TFPT: variants seen among roughly 807,000 people sequenced by gnomAD.
TFPT encodes TCF3 fusion partner, also known as INO80 complex subunit F.
Under a neutral mutation model 28.8 loss-of-function variants are expected in TFPT, and 27 were observed. The ratio of observed to expected loss-of-function variants is 0.94; its 90% confidence interval spans 0.69 to 1.29. The LOEUF is 1.29. Among genes scored for constraint, TFPT ranks in the 50% most tolerant of loss-of-function variants. TFPT has a pLI of 0.00. For synonymous variants in TFPT, 152 were observed against 142.8 expected (o/e 1.06, Z -0.46); for missense variants, 330 against 338.0 (o/e 0.98, Z 0.19).
chr19:54,112,818 C>T (rs372275154), intron 2 of TFPT, among the ~76,000 whole-genome samples: 29 of 149,814 alleles, frequency 1.9e-4, no homozygotes, highest in African/African-American at 5.7e-4. Context: ...GAAGGCCAGG[C>T]GTGGTGGCTC....
In TFPT at chr19:54,115,010, C is replaced by T. The variant is rs1435823811; in HGVS notation, c.23+237G>A. ...CCCAGGGAGTCCAAGCCCCAACCCT[C>T]AACCAGACGCAAGAGTCCTGGCTTC... On this transcript the variant is annotated intron_variant, in intron 1 of 5. Coordinates refer to ENST00000391759, the MANE Select transcript of TFPT (RefSeq NM_013342.4). 21 of 693,076 alleles carry T rather than the reference C, an allele frequency of 3.0e-5. No homozygotes were observed. The East Asian group carries it at 5.5e-4, about 18-fold the overall frequency. 42.9% of individuals were successfully genotyped at this position (693,076 alleles called of 1,614,324 possible).
At chr19:54,110,426 A>G (rs1376348795) in intron 2 of TFPT, among the ~76,000 whole-genome samples, 1 of 152,054 alleles carries the variant, frequency 6.6e-6, no homozygotes, top group Non-Finnish European at 1.5e-5. Flanking sequence ...TGAACCTCCC[A>G]TTAAGTCGAA....
chr19:54,115,273 C>G lies in TFPT; in HGVS notation c.-4G>C. On this transcript the variant is annotated 5_prime_UTR_variant, in exon 1 of 6. Coordinates refer to ENST00000391759, the MANE Select transcript of TFPT (RefSeq NM_013342.4). ...CTTCTCTCTGCTCCAATTCCATCTC[C>G]GCGACCTCCGGAAGCCCCGGGCCTC... is the stretch of plus-strand genomic sequence containing the variant. 2 of 1,614,034 alleles carry G rather than the reference C, an allele frequency of 1.2e-6. No homozygotes were observed. Among genetic ancestry groups the G allele is most frequent in the Non-Finnish European group, 1.7e-6 (2 of 1,180,040 alleles).
intron 2 of TFPT, 77 bp from the exon 3 acceptor site, chr19:54,110,198 G>A (rs1308047142): frequency 1.4e-5 from 21 of 1,484,970 alleles, no homozygotes; most frequent in Middle Eastern, 1.7e-4. Context: ...AATGGGGCAC[G>A]CACTAAACTC....
chr19:54,112,956 G>C (rs1165253880), intron 2 of TFPT, among the ~76,000 whole-genome samples: 1 of 151,902 alleles, frequency 6.6e-6, no homozygotes, highest in Non-Finnish European at 1.5e-5. Flanking sequence ...AGCTGGGTGT[G>C]GTGGCGGGCG....
intron 2 of TFPT, among the ~76,000 whole-genome samples, chr19:54,111,978 CT>C (rs2073469215): frequency 6.6e-6 from 1 of 151,724 alleles, no homozygotes; most frequent in Admixed American, 6.6e-5. Context: ...GAAAATCCAT[CT>C]AAAAAAAAAG....
At chr19:54,107,954 C>A in intron 5 of TFPT, 72 bp downstream of exon 5, 7 of 1,452,864 alleles carry the variant, frequency 4.8e-6, no homozygotes, top group Non-Finnish European at 6.5e-6. Flanking sequence ...CCCCTTGAGT[C>A]CCCCCTCCTT....
intron 2 of TFPT, 98 bp downstream of exon 2, chr19:54,114,344 C>G (rs916738191): frequency 4.0e-6 from 6 of 1,510,526 alleles, no homozygotes; most frequent in Non-Finnish European, 5.3e-6. Flanking sequence ...AATATATCAG[C>G]AAGCCAAGAA....
In TFPT at chr19:54,108,014, C is replaced by CGCCT; in HGVS notation, c.642+8_642+11dup. On this transcript the variant is annotated intron_variant, in intron 5 of 5. Transcript: ENST00000391759. ...GCCCCAGTCCCTCCCCTTGAGTTCC[C>CGCCT]GCCTTCCTCACCTGCACCGGGGCCA... is the stretch of plus-strand genomic sequence containing the variant. The CGCCT allele has an allele frequency of 1.3e-6, 2 of 1,515,908 alleles. No individual in the cohort carries two copies. Among genetic ancestry groups the CGCCT allele is most frequent in the Non-Finnish European group, 1.8e-6 (2 of 1,133,190 alleles). The allele number at this position is 1,515,908 out of a possible 1,614,324, so 93.9% of individuals were successfully genotyped here.
At position 54,108,330 on chromosome 19, in the gene TFPT, A is replaced by T; in HGVS notation, c.419T>A (p.Leu140Gln). 6.2e-7 allele frequency: 1 copy of T among 1,604,344 alleles called. No homozygotes were observed. Among genetic ancestry groups the T allele is most frequent in the Non-Finnish European group, 8.5e-7 (1 of 1,175,022 alleles). The change falls in exon 4 of 6, where the codon CTG becomes CAG. Residue 140 changes from leucine (L) to glutamine (Q), a missense_variant. Transcript: ENST00000391759. Reference sequence around the variant, plus strand: ...TCCTGGAGGCCCAACACTCACCTCCAGCACAATGGTGAACTGGCTGGCCCG... The same window carrying T: ...TCCTGGAGGCCCAACACTCACCTCCTGCACAATGGTGAACTGGCTGGCCCG... ...DYRASQFTIV[L>Q]EDEGSQGTDA...
chr19:54,114,718 G>A lies in TFPT; in HGVS notation c.24-18C>T. 1 of 1,604,032 alleles carries A rather than the reference G, an allele frequency of 6.2e-7. No individual in the cohort carries two copies. The highest frequency in any genetic ancestry group is 2.2e-5 in the East Asian group (1 of 44,804). ...CCATGGTCCTGAGAGGCAGGGAAAGGCTCAGGGGCCCTGGATCCTGGACCC... is the reference window on the plus strand; with the variant it reads ...CCATGGTCCTGAGAGGCAGGGAAAGACTCAGGGGCCCTGGATCCTGGACCC... On this transcript the variant is annotated intron_variant, in intron 1 of 5. Coordinates refer to ENST00000391759, the MANE Select transcript of TFPT (RefSeq NM_013342.4).
At position 54,108,092 on chromosome 19, in the gene TFPT, C is replaced by T; in HGVS notation, c.576G>A (p.Arg192=). The T allele has an allele frequency of 6.4e-7, 1 of 1,565,230 alleles. No individual in the cohort carries two copies. The highest frequency in any genetic ancestry group is 8.7e-7 in the Non-Finnish European group (1 of 1,155,644). The change falls in exon 5 of 6, where the codon AGG becomes AGA. Residue 192 remains arginine (R), a synonymous_variant. Coordinates refer to ENST00000391759, the MANE Select transcript of TFPT (RefSeq NM_013342.4). The part of the protein sequence containing the change: ...APGEGPSGRK[R]RRVPRDGRRA... The stretch of plus-strand genomic sequence containing the variant: ...GGCGTCCATCCCGTGGCACTCGCCG[C>T]CTCTTCCGCCCACTGGGCCCCTCAC...
chr19:54,114,204 C>G (rs1161888239), intron 2 of TFPT, among the ~76,000 whole-genome samples: 2 of 152,176 alleles, frequency 1.3e-5, no homozygotes, highest in Non-Finnish European at 2.9e-5. Context: ...TTGAGAGGCC[C>G]CCGGGAGACA....
intron 5 of TFPT, chr19:54,107,672 C>T (rs1231907243): frequency 3.0e-6 from 1 of 332,334 alleles, no homozygotes; most frequent in Non-Finnish European, 5.5e-6. Context: ...TTCCCTTCCA[C>T]TCCGTCTTCT....
Position 54,114,596 on chromosome 19 carries a change from G to T in TFPT, c.128C>A (p.Thr43Lys). ...ACCACCTGACACAAACTCCACTTCC[G>T]TCTCCAGCTCGCTCTCCAGGATGTG... is the stretch of plus-strand genomic sequence containing the variant. ...GGHILESELETEVEFVSGGLG... is the reference protein window; with the variant it reads ...GGHILESELEKEVEFVSGGLG... The change falls in exon 2 of 6, where the codon ACG (threonine) becomes AAG (lysine). Residue 43 changes from threonine (T) to lysine (K), a missense_variant. Coordinates refer to ENST00000391759, the MANE Select transcript of TFPT (RefSeq NM_013342.4). The T allele has an allele frequency of 1.2e-6, 2 of 1,614,040 alleles. No homozygotes were observed. Among genetic ancestry groups the T allele is most frequent in the Non-Finnish European group, 1.7e-6 (2 of 1,180,006 alleles).
At chr19:54,107,309 T>A in intron 5 of TFPT, 140 bp from the exon 6 acceptor site, 1 of 1,166,072 alleles carries the variant, frequency 8.6e-7, no homozygotes, top group Non-Finnish European at 1.2e-6. Flanking sequence ...AGTGCAGTGG[T>A]GCCATCATAG....
chr19:54,113,093 C>CAAAAA (rs139440012), intron 2 of TFPT, among the ~76,000 whole-genome samples: 1 of 58,560 alleles, frequency 1.7e-5, no homozygotes, highest in Non-Finnish European at 2.9e-5. Flanking sequence ...GACTCCACCT[C>CAAAAA]AAAAAAAAAA....
chr19:54,111,309 G>C (rs1487592354), intron 2 of TFPT, among the ~76,000 whole-genome samples: 1 of 151,296 alleles, frequency 6.6e-6, no homozygotes, highest in Non-Finnish European at 1.5e-5. Context: ...TTGGGAGGCC[G>C]GGGCGGGCAG....
At chr19:54,108,590 A>G in intron 3 of TFPT, 195 bp from the exon 4 acceptor site, 1 of 1,563,438 alleles carries the variant, frequency 6.4e-7, no homozygotes, top group South Asian at 1.2e-5. Context: ...AGACAAGGCA[A>G]CCATTCTGAG....
Sources: allele counts gnomAD v4.1 joint callset (sites outside exome capture counted in the v4.1 genomes callset), GRCh38; gene constraint gnomAD v4.1.1; transcripts MANE v1.5; gene names NCBI Gene and HGNC (gene_info 2026-07-23, HGNC 2026-07-21).